CFAP69: variants seen among roughly 807,000 people sequenced by gnomAD.
CFAP69 encodes the protein cilia and flagella associated protein 69.
In CFAP69, 92 loss-of-function variants were observed where a neutral mutation model predicts 123.0. That is an observed-to-expected ratio of 0.75 (90% CI 0.63 to 0.89). CFAP69 has a LOEUF of 0.89. Ranked by LOEUF, CFAP69 falls within the 40% of genes least tolerant of loss-of-function variation. CFAP69 has a pLI of 0.00. For missense variants in CFAP69, 1,067 were observed against 1,096.9 expected, an observed-to-expected ratio of 0.97 and a Z score of 0.39; for synonymous variants, 380 against 364.3, an observed-to-expected ratio of 1.04 and a Z score of -0.49.
rs1447487942 is a variant in CFAP69 at position 90,265,289 on chromosome 7, T to C, written c.357-12T>C. The stretch of plus-strand genomic sequence containing the variant: ...TAAAAATTACTGTTACAATTCTTCA[T>C]TCTTATTGAAGCTTGCCATTTTTGA... On this transcript the variant is annotated splice_polypyrimidine_tract_variant and intron_variant, in intron 4 of 22. Transcript: ENST00000389297. 9 of 1,576,504 alleles carry C rather than the reference T, an allele frequency of 5.7e-6. No individual in the cohort carries two copies. The Admixed American group carries it at 1.2e-4, about 21-fold the overall frequency.
intron 1 of CFAP69, chr7:90,252,143 T>TGC (rs1797097817): frequency 1.4e-5 from 2 of 144,108 alleles, no homozygotes; most frequent in South Asian, 4.6e-4. Context: ...TGTGTGTGTG[T>TGC]GTGCATGCGC....
intron 10 of CFAP69, 45 bp from the exon 11 acceptor site, chr7:90,277,168 C>G: frequency 6.3e-7 from 1 of 1,574,974 alleles, no homozygotes; most frequent in Non-Finnish European, 8.6e-7. Flanking sequence ...CTTGATAAGT[C>G]TTGTACAACA....
chr7:90,299,858 T>G lies in CFAP69; in HGVS notation c.1858-9T>G. 1 of 1,581,510 alleles carries G rather than the reference T, an allele frequency of 6.3e-7. No individual in the cohort carries two copies. Among genetic ancestry groups the G allele is most frequent in the South Asian group, 1.2e-5 (1 of 85,228 alleles). ...GCAACTTTTTTCCTTTTCTGTTTCC[T>G]TGCTAAAGTTGAACCAAAAAAAATT... On this transcript the variant is annotated splice_polypyrimidine_tract_variant and intron_variant, in intron 16 of 22. Coordinates refer to ENST00000389297, the MANE Select transcript of CFAP69 (RefSeq NM_001039706.3).
At chr7:90,288,111 T>C (rs949608210) in intron 14 of CFAP69, 123 bp from the exon 15 acceptor site, 1 of 673,084 alleles carries the variant, frequency 1.5e-6, no homozygotes, top group East Asian at 2.8e-5. Flanking sequence ...AAAAATAGTA[T>C]TTTTCTAACA....
chr7:90,248,494 ATTAGATT>A (rs1220758832), intron 1 of CFAP69, among the ~76,000 whole-genome samples: 2 of 152,220 alleles, frequency 1.3e-5, no homozygotes, highest in Non-Finnish European at 2.9e-5. Context: ...TTCACAGAGT[ATTAGATT>A]TTTCTAACTT....
At chr7:90,280,497 A>G (rs574075280) in intron 12 of CFAP69, among the ~76,000 whole-genome samples, 3 of 152,354 alleles carry the variant, frequency 2.0e-5, no homozygotes, top group South Asian at 2.1e-4. Context: ...ATGAATTACA[A>G]TATTGCCCAG....
chr7:90,313,641 G>A (rs182765458), downstream of CFAP69, among the ~76,000 whole-genome samples: 1 of 152,214 alleles, frequency 6.6e-6, no homozygotes, highest in East Asian at 1.9e-4. Flanking sequence ...TGTAGTGTTG[G>A]ATTATAAACC....
rs950582531 is a variant in CFAP69, at chr7:90,256,381, G to A, written c.180+899G>A. Among the ~76,000 whole-genome samples the A allele has an allele frequency of 2.6e-5, 4 of 152,110 alleles. 1 individual carries two copies. The highest frequency in any genetic ancestry group is 4.4e-5 in the Non-Finnish European group (3 of 68,002). ...CGTCACATACCAGGGCCTGTCAGGG[G>A]ATGGGGGACTATGGGAAGGATAGCA... On this transcript the variant is annotated intron_variant, in intron 2 of 22. Coordinates refer to ENST00000389297, the MANE Select transcript of CFAP69 (RefSeq NM_001039706.3).
the CFAP69 span, chr7:90,319,326 C>G: frequency 5.0e-6 from 2 of 397,638 alleles, no homozygotes; most frequent in Non-Finnish European, 8.9e-6. Context: ...GAAAAGTAAA[C>G]TGCTATTCTC....
At chr7:90,269,014 T>C (rs1451339364) in intron 6 of CFAP69, 1 of 151,220 alleles carries the variant, frequency 6.6e-6, no homozygotes, top group Non-Finnish European at 1.5e-5. Flanking sequence ...TAAGTGTCTG[T>C]GGTAGTTCAA....
intron 12 of CFAP69, 120 bp from the exon 13 acceptor site, chr7:90,282,772 C>A: frequency 5.3e-6 from 4 of 755,988 alleles, no homozygotes; most frequent in Non-Finnish European, 7.5e-6. Flanking sequence ...TAAAAAAAAA[C>A]TAAAGCAAAT....
At chr7:90,322,661 A>G in the CFAP69 span, 1 of 152,234 alleles carries the variant, frequency 6.6e-6, no homozygotes, top group East Asian at 1.9e-4. Context: ...TTATCTGTTT[A>G]CAAGTATTCA....
At chr7:90,305,924 C>T (rs1393926189) in intron 19 of CFAP69, among the ~76,000 whole-genome samples, 4 of 146,800 alleles carry the variant, frequency 2.7e-5, no homozygotes, top group African/African-American at 7.5e-5. Flanking sequence ...GAGTAAACCT[C>T]TATTTTCTTT....
chr7:90,296,107 T>A (rs1791913568), intron 15 of CFAP69, among the ~76,000 whole-genome samples: 1 of 152,152 alleles, frequency 6.6e-6, no homozygotes, highest in Non-Finnish European at 1.5e-5. Context: ...CAGCCTTATT[T>A]CACCCAGCCC....
In CFAP69 at chr7:90,310,160, G is replaced by T. The variant is rs771405472; in HGVS notation, c.2748G>T (p.Leu916=). Residue 916 remains leucine, a synonymous_variant, in exon 23 of 23, where the codon CTG becomes CTT. Transcript: ENST00000389297. ...ATACGGATATTGCTCTTAAAAAACT[G>T]CCCATTCGAGGAGGAGCCTTGCAGA... ...LVDTDIALKK[L]PIRGGALQRV... 1.7e-5 allele frequency: 27 copies of T among 1,613,934 alleles called. No individual in the cohort carries two copies. Among genetic ancestry groups the T allele is most frequent in the Non-Finnish European group, 2.1e-5 (25 of 1,179,910 alleles).
At position 90,307,836 on chromosome 7, in the gene CFAP69, A is replaced by G; in HGVS notation, c.2532A>G (p.Ser844=). 6.2e-7 allele frequency: 1 copy of G among 1,610,036 alleles called. No homozygotes were observed. The highest frequency in any genetic ancestry group is 1.3e-5 in the African/African-American group (1 of 74,786). Reference sequence around the variant, plus strand: ...GGGAAGATTTCTTGGCTAGAACATCAAACGCTAAAACGTTAAAGGTAGGAT... The same window carrying G: ...GGGAAGATTTCTTGGCTAGAACATCGAACGCTAAAACGTTAAAGGTAGGAT... The part of the protein sequence containing the change: ...KSWEDFLART[S]NAKTLKKAKS... Residue 844 remains serine, a synonymous_variant, in exon 21 of 23, where the codon TCA becomes TCG. Coordinates refer to ENST00000389297, the MANE Select transcript of CFAP69 (RefSeq NM_001039706.3).
At chr7:90,263,271 A>G (rs1350521000) in intron 4 of CFAP69, among the ~76,000 whole-genome samples, 1 of 152,002 alleles carries the variant, frequency 6.6e-6, no homozygotes, top group African/African-American at 2.4e-5. Context: ...AATTTTTTCT[A>G]CTTTTCTAAT....
At chr7:90,284,273 G>A (rs896064927) in intron 13 of CFAP69, among the ~76,000 whole-genome samples, 1 of 152,038 alleles carries the variant, frequency 6.6e-6, no homozygotes, top group Non-Finnish European at 1.5e-5. Context: ...GTAGTAACGT[G>A]CTCAATAAGT....
intron 13 of CFAP69, among the ~76,000 whole-genome samples, chr7:90,283,774 T>C (rs1362597063): frequency 6.6e-6 from 1 of 152,150 alleles, no homozygotes; most frequent in Admixed American, 6.5e-5. Context: ...CACTAGTCAA[T>C]TATATAATCT....
Sources: gnomAD v4.1 joint callset for allele counts (sites outside exome capture counted in the v4.1 genomes callset) on GRCh38, gnomAD v4.1.1 for gene constraint, MANE v1.5 for transcripts, NCBI Gene and HGNC (gene_info 2026-07-23, HGNC 2026-07-21) for gene names.